Variants in BLTP1 observed in about 807,000 individuals in gnomAD.
BLTP1 encodes fragile site-associated protein.
At chr4:122,292,126 A>G in the BLTP1 span, among the ~76,000 whole-genome samples, 1 of 152,044 alleles carries the variant, frequency 6.6e-6, no homozygotes, top group African/African-American at 2.4e-5. Flanking sequence ...ATGCACCACC[A>G]CACCCAGCTA....
chr4:122,334,967 C>T, the BLTP1 span, among the ~76,000 whole-genome samples: 2,490 of 152,094 alleles, frequency 0.016, 71 homozygotes, highest in African/African-American at 0.056. Context: ...ACAGGTTCTG[C>T]TGATCAGAAA....
chr4:122,155,524 A>G, the BLTP1 span, among the ~76,000 whole-genome samples: 1 of 151,968 alleles, frequency 6.6e-6, no homozygotes, highest in South Asian at 2.1e-4. Flanking sequence ...GAGTTTCACC[A>G]TGTTGGCCAG....
chr4:122,313,514 A>C, the BLTP1 span: 9 of 633,482 alleles, frequency 1.4e-5, no homozygotes, highest in Middle Eastern at 3.1e-4. Flanking sequence ...TCTAGGAAGG[A>C]TAGTAATCCT....
chr4:122,314,025 A>T, the BLTP1 span: 1 of 957,162 alleles, frequency 1.0e-6, no homozygotes, highest in East Asian at 1.1e-4. Flanking sequence ...ATGTACAATA[A>T]AACATAAAAT....
At chr4:122,328,141 C>A in the BLTP1 span, 6 of 1,607,496 alleles carry the variant, frequency 3.7e-6, no homozygotes, top group East Asian at 1.3e-4. Context: ...TTGTCAGTAA[C>A]CATTGAAGGT....
chr4:122,204,396 C>A, the BLTP1 span: 1 of 839,122 alleles, frequency 1.2e-6, no homozygotes, highest in Non-Finnish European at 1.4e-6. Context: ...AGCATGTTCA[C>A]TTGTATTATC....
chr4:122,280,242 T>C, the BLTP1 span: 1 of 963,206 alleles, frequency 1.0e-6, no homozygotes, highest in Non-Finnish European at 1.2e-6. Context: ...GATTTGTGGG[T>C]ATTGTAAGAG....
chr4:122,243,011 G>A, the BLTP1 span: 1 of 1,603,638 alleles, frequency 6.2e-7, no homozygotes, highest in Non-Finnish European at 8.5e-7. Flanking sequence ...ATCAAGCAGG[G>A]GCTCACAGCT....
the BLTP1 span, among the ~76,000 whole-genome samples, chr4:122,311,225 C>T: frequency 6.6e-6 from 1 of 151,982 alleles, no homozygotes; most frequent in Non-Finnish European, 1.5e-5. Context: ...AAAAAATGAA[C>T]AAATAATTTA....
the BLTP1 span, chr4:122,360,010 T>C: frequency 3.0e-6 from 3 of 985,274 alleles, no homozygotes; most frequent in South Asian, 9.4e-5. Flanking sequence ...CACTAGTTTT[T>C]CACCTTCTCA....
chr4:122,219,012 G>A, the BLTP1 span: 2 of 254,314 alleles, frequency 7.9e-6, no homozygotes, highest in Admixed American at 6.5e-5. Flanking sequence ...GAGGAGCAGT[G>A]ATTGAAAACT....
At chr4:122,270,877 TATTTTACTG>T in the BLTP1 span, 1 of 1,154,354 alleles carries the variant, frequency 8.7e-7, no homozygotes, top group Non-Finnish European at 1.2e-6. Context: ...TGAAAAAGCA[TATTTTACTG>T]GTTTGCTTGC....
chr4:122,199,267 CT>C, the BLTP1 span: 1 of 1,513,652 alleles, frequency 6.6e-7, no homozygotes, highest in Non-Finnish European at 8.9e-7. Context: ...AGGATTCCTT[CT>C]TTGAGTGGTG....
At chr4:122,204,837 A>G in the BLTP1 span, 1 of 874,498 alleles carries the variant, frequency 1.1e-6, no homozygotes, top group Non-Finnish European at 1.4e-6. Flanking sequence ...GATTTGAGGT[A>G]AGCATAGATT....
At chr4:122,262,885 G>T in the BLTP1 span, 1 of 1,614,108 alleles carries the variant, frequency 6.2e-7, no homozygotes, top group Non-Finnish European at 8.5e-7. Context: ...AGCCTACTCA[G>T]CTACCTGACT....
the BLTP1 span, among the ~76,000 whole-genome samples, chr4:122,341,389 C>G: frequency 1.3e-5 from 2 of 152,224 alleles, no homozygotes; most frequent in African/African-American, 4.8e-5. Flanking sequence ...TTAATCTGTA[C>G]TCTATTACTT....
the BLTP1 span, chr4:122,334,306 ATAATTT>A: frequency 6.9e-7 from 1 of 1,440,570 alleles, no homozygotes; most frequent in South Asian, 1.2e-5. Context: ...CCTCATCTTC[ATAATTT>A]TAATTTTAAA....
the BLTP1 span, among the ~76,000 whole-genome samples, chr4:122,284,545 T>C: frequency 6.6e-6 from 1 of 152,110 alleles, no homozygotes; most frequent in South Asian, 2.1e-4. Context: ...TATATACATA[T>C]ATATGAATAT....
the BLTP1 span, chr4:122,272,239 G>A: frequency 4.3e-6 from 7 of 1,613,262 alleles, no homozygotes; most frequent in Non-Finnish European, 5.9e-6. Context: ...CTAAGACTCA[G>A]AGGAAACGTA....
Sources: allele counts gnomAD v4.1 joint callset (sites outside exome capture counted in the v4.1 genomes callset), GRCh38; gene constraint gnomAD v4.1.1; transcripts MANE v1.5; gene names NCBI Gene and HGNC (gene_info 2026-07-23, HGNC 2026-07-21).